Variants in RAB31 observed in about 807,000 individuals in gnomAD.
RAB31 encodes the protein ras-related protein Rab-31.
In RAB31, 21 loss-of-function variants were observed where a neutral mutation model predicts 25.6. The observed-to-expected ratio is 0.82, with a 90% CI of 0.58 to 1.18. RAB31 has a LOEUF of 1.18. Ranked by LOEUF, RAB31 falls within the 50% of genes most tolerant of loss-of-function variation. The pLI, the probability that RAB31 is intolerant of heterozygous loss-of-function variation, is 0.00. For missense variants in RAB31, 196 were observed against 250.1 expected (o/e 0.78, Z 1.46); for synonymous variants, 87 against 84.0 (o/e 1.04, Z -0.20).
At chr18:9,716,398 A>G (rs2068044685) in intron 1 of RAB31, among the ~76,000 whole-genome samples, 1 of 152,238 alleles carries the variant, frequency 6.6e-6, no homozygotes, top group Admixed American at 6.5e-5. Flanking sequence ...AGCTTCTGCA[A>G]GTGTCAGGCA....
intron 5 of RAB31, among the ~76,000 whole-genome samples, chr18:9,829,276 C>T (rs1294752985): frequency 6.6e-6 from 1 of 152,210 alleles, no homozygotes; most frequent in East Asian, 1.9e-4. Flanking sequence ...ATTTTCCAAG[C>T]AGTAGATTTG....
chr18:9,765,511 A>T (rs1481131241), intron 1 of RAB31, among the ~76,000 whole-genome samples: 2 of 152,076 alleles, frequency 1.3e-5, no homozygotes, highest in Middle Eastern at 3.2e-3. Context: ...CTTTTATGGC[A>T]CCTTATTTTT....
At chr18:9,758,923 G>A (rs1055542124) in intron 1 of RAB31, among the ~76,000 whole-genome samples, 1 of 152,160 alleles carries the variant, frequency 6.6e-6, no homozygotes, top group African/African-American at 2.4e-5. Flanking sequence ...AACTGACGAC[G>A]TCTGCAGAAT....
chr18:9,737,145 G>A (rs2068155113), intron 1 of RAB31, among the ~76,000 whole-genome samples: 1 of 152,018 alleles, frequency 6.6e-6, no homozygotes, highest in African/African-American at 2.4e-5. Flanking sequence ...CTGCCCCTGC[G>A]ACAAGGTCAA....
At chr18:9,749,097 C>T (rs1253067741) in intron 1 of RAB31, among the ~76,000 whole-genome samples, 1 of 152,174 alleles carries the variant, frequency 6.6e-6, no homozygotes, top group Non-Finnish European at 1.5e-5. Context: ...ATAGAGGCAT[C>T]ATTACAGATT....
At chr18:9,757,452 C>A (rs541472941) in intron 1 of RAB31, among the ~76,000 whole-genome samples, 5 of 152,218 alleles carry the variant, frequency 3.3e-5, no homozygotes, top group Non-Finnish European at 7.4e-5. Context: ...CTGCTGGGAA[C>A]CTTGTCATCT....
At chr18:9,801,049 A>G (rs1354689660) in intron 3 of RAB31, among the ~76,000 whole-genome samples, 5 of 152,226 alleles carry the variant, frequency 3.3e-5, no homozygotes, top group African/African-American at 1.2e-4. Context: ...CACAAATGGA[A>G]TCATACAACC....
chr18:9,744,977 A>G (rs1198875570), intron 1 of RAB31, among the ~76,000 whole-genome samples: 1 of 152,242 alleles, frequency 6.6e-6, no homozygotes, highest in African/African-American at 2.4e-5. Context: ...GAGAAATGAA[A>G]TAGAGAATAG....
At chr18:9,817,267 A>G (rs1037057257) in intron 5 of RAB31, among the ~76,000 whole-genome samples, 1 of 152,152 alleles carries the variant, frequency 6.6e-6, no homozygotes, top group Non-Finnish European at 1.5e-5. Context: ...AGTCTTATGT[A>G]TTGTGGGAAT....
intron 1 of RAB31, among the ~76,000 whole-genome samples, chr18:9,743,266 T>C (rs1170431967): frequency 6.6e-6 from 1 of 152,250 alleles, no homozygotes; most frequent in African/African-American, 2.4e-5. Context: ...GATTAACACA[T>C]GTACAAATAA....
chr18:9,745,132 A>G (rs11660654), intron 1 of RAB31, among the ~76,000 whole-genome samples: 119,419 of 152,094 alleles, frequency 0.79, 47,332 homozygotes, highest in African/African-American at 0.86. Flanking sequence ...ATTACTACTG[A>G]CCTTACAGAA....
intron 3 of RAB31, among the ~76,000 whole-genome samples, chr18:9,795,152 A>G (rs1172941323): frequency 6.6e-6 from 1 of 152,222 alleles, no homozygotes; most frequent in Non-Finnish European, 1.5e-5. Context: ...TGGACATCCT[A>G]TTCAACAAAT....
At chr18:9,767,569 T>G (rs1383084639) in intron 1 of RAB31, among the ~76,000 whole-genome samples, 2 of 152,198 alleles carry the variant, frequency 1.3e-5, no homozygotes, top group Non-Finnish European at 2.9e-5. Flanking sequence ...AATTATTCCC[T>G]GCAGGGCTGG....
At chr18:9,838,879 C>T (rs112141260) in intron 5 of RAB31, among the ~76,000 whole-genome samples, 1 of 152,176 alleles carries the variant, frequency 6.6e-6, no homozygotes, top group Non-Finnish European at 1.5e-5. Flanking sequence ...TGTCCCGGAT[C>T]TTTTCCAGTT....
intron 1 of RAB31, among the ~76,000 whole-genome samples, chr18:9,758,641 G>A (rs906557400): frequency 6.6e-6 from 1 of 152,086 alleles, no homozygotes; most frequent in African/African-American, 2.4e-5. Context: ...ACTTGTCTGT[G>A]TTCCTCACTG....
At chr18:9,755,131 A>G (rs775316920) in intron 1 of RAB31, among the ~76,000 whole-genome samples, 2 of 152,202 alleles carry the variant, frequency 1.3e-5, no homozygotes, top group East Asian at 3.8e-4. Context: ...GATGCAAATG[A>G]AAAGAGTCTA....
chr18:9,794,436 T>C (rs983598260), intron 3 of RAB31, among the ~76,000 whole-genome samples: 3 of 152,328 alleles, frequency 2.0e-5, no homozygotes, highest in East Asian at 1.9e-4. Flanking sequence ...CCTATGCTCA[T>C]GGATGGGTAG....
At chr18:9,814,772 A>G in intron 4 of RAB31, 1 of 180,720 alleles carries the variant, frequency 5.5e-6, no homozygotes, top group Non-Finnish European at 1.2e-5. Flanking sequence ...CTAAATATAT[A>G]TGTTTCTTCC....
At chr18:9,803,061 AC>A (rs1284381351) in intron 3 of RAB31, among the ~76,000 whole-genome samples, 1 of 152,074 alleles carries the variant, frequency 6.6e-6, no homozygotes, top group African/African-American at 2.4e-5. Flanking sequence ...AGCTGGCAAC[AC>A]CAGCCAGCAG....
Sources: allele counts gnomAD v4.1 joint callset (sites outside exome capture counted in the v4.1 genomes callset), GRCh38; gene constraint gnomAD v4.1.1; transcripts MANE v1.5; gene names NCBI Gene and HGNC (gene_info 2026-07-23, HGNC 2026-07-21).